SHROOM2: variants seen among roughly 807,000 people sequenced by gnomAD.
SHROOM2 encodes the protein protein Shroom2.
Under a neutral mutation model 75.9 loss-of-function variants are expected in SHROOM2, and 33 were observed. That is an observed-to-expected ratio of 0.43 (90% CI 0.33 to 0.58). SHROOM2 has a LOEUF of 0.58. SHROOM2 is among the 20% of genes least tolerant of loss of function. The pLI is 0.04. For synonymous variants in SHROOM2, 655 were observed against 663.6 expected, an observed-to-expected ratio of 0.99 and a Z score of 0.20; for missense variants, 1,434 against 1,461.2, an observed-to-expected ratio of 0.98 and a Z score of 0.30.
intron 1 of SHROOM2, among the ~76,000 whole-genome samples, chrX:9,821,640 C>T (rs1052682128): frequency 4.5e-5 from 5 of 112,300 alleles, no homozygotes; most frequent in African/African-American, 9.7e-5. Context: ...ACCACATTTG[C>T]GAACTTTTAT....
intron 1 of SHROOM2, among the ~76,000 whole-genome samples, chrX:9,802,268 T>C (rs1322231376): frequency 9.0e-6 from 1 of 111,460 alleles, no homozygotes; most frequent in East Asian, 2.8e-4. Context: ...GTGTGGTTTT[T>C]AGGTCAGCAT....
chrX:9,867,366 G>T (rs377322980), intron 1 of SHROOM2, among the ~76,000 whole-genome samples: 3 of 111,437 alleles, frequency 2.7e-5, no homozygotes, highest in African/African-American at 6.5e-5. Flanking sequence ...GTCATGGGTC[G>T]GGGATGATTG....
chrX:9,871,396 G>A lies in SHROOM2; in HGVS notation c.166-2256G>A, dbSNP rs146593746. Among the ~76,000 whole-genome samples, 760 of 111,444 alleles carry A rather than the reference G, an allele frequency of 6.8e-3. 15 individuals carry two copies. The East Asian group carries it at 0.089, about 13-fold the overall frequency. ...TTTCCTCTGTGAAGAAACCTGGGGG[G>A]AGGGTTGCTCCAGATCCCCAGCCTC... is the stretch of plus-strand genomic sequence containing the variant. On this transcript the variant is annotated intron_variant, in intron 1 of 9. Coordinates refer to ENST00000380913, the MANE Select transcript of SHROOM2 (RefSeq NM_001649.4).
At chrX:9,909,263 G>A (rs982212778) in intron 5 of SHROOM2, among the ~76,000 whole-genome samples, 5 of 112,566 alleles carry the variant, frequency 4.4e-5, no homozygotes, top group Non-Finnish European at 7.5e-5. Context: ...AAATTAAGTA[G>A]TAGTGGATTA....
At chrX:9,848,510 C>CACAAAAA (rs1555927073) in intron 1 of SHROOM2, among the ~76,000 whole-genome samples, 953 of 21,957 alleles carry the variant, frequency 0.043, 118 homozygotes, top group African/African-American at 0.13. Flanking sequence ...GACTCCGTCT[C>CACAAAAA]AAAAAAAAAA....
At chrX:9,863,209 C>T (rs767234634) in intron 1 of SHROOM2, among the ~76,000 whole-genome samples, 2 of 111,767 alleles carry the variant, frequency 1.8e-5, no homozygotes, top group African/African-American at 6.5e-5. Context: ...ACTCCTGGGA[C>T]AGTCAGCTTG....
chrX:9,939,647 T>G (rs2084751463), intron 8 of SHROOM2, among the ~76,000 whole-genome samples: 1 of 112,588 alleles, frequency 8.9e-6, no homozygotes, highest in Non-Finnish European at 1.9e-5. Flanking sequence ...TTTATCTTAT[T>G]TATTTATTTT....
At chrX:9,937,094 G>A in intron 6 of SHROOM2, 40 bp from the exon 7 acceptor site, 2 of 1,136,667 alleles carry the variant, frequency 1.8e-6, no homozygotes, top group Non-Finnish European at 1.2e-6. Context: ...TCTGTGGCTG[G>A]AGCATGCTTT....
intron 1 of SHROOM2, among the ~76,000 whole-genome samples, chrX:9,831,929 TCAGG>T (rs1279764452): frequency 9.0e-6 from 1 of 110,685 alleles, no homozygotes; most frequent in African/African-American, 3.3e-5. Flanking sequence ...ACCATGAGGA[TCAGG>T]ATTTCAACAT....
chrX:9,794,712 C>A (rs1051464638), intron 1 of SHROOM2, among the ~76,000 whole-genome samples: 6 of 111,918 alleles, frequency 5.4e-5, no homozygotes, highest in African/African-American at 1.9e-4. Context: ...TCAGTAAATT[C>A]TTTTACTGCC....
intron 5 of SHROOM2, among the ~76,000 whole-genome samples, chrX:9,917,619 C>T (rs1212912255): frequency 9.0e-6 from 1 of 111,546 alleles, no homozygotes. Flanking sequence ...CTCCTGGGTT[C>T]AGCCAGTTCT....
At chrX:9,893,469 C>T (rs753038604) in intron 3 of SHROOM2, among the ~76,000 whole-genome samples, 79 of 111,515 alleles carry the variant, frequency 7.1e-4, no homozygotes, top group Middle Eastern at 4.6e-3. Context: ...CTTTGCAGGC[C>T]GCACATCTCT....
Position 9,928,518 on chromosome X carries a change from A to T in SHROOM2, c.2892-3657A>T, listed in dbSNP as rs773808128. Reference sequence around the variant, plus strand: ...TATCCTTAGAAGTATGGCAAAGAGAAATGCATACATATATGCAGAGACACA... The same window carrying T: ...TATCCTTAGAAGTATGGCAAAGAGATATGCATACATATATGCAGAGACACA... On this transcript the variant is annotated intron_variant, in intron 5 of 9. Coordinates refer to ENST00000380913, the MANE Select transcript of SHROOM2 (RefSeq NM_001649.4). 3.6e-5 allele frequency among the ~76,000 whole-genome samples: 4 copies of T among 112,334 alleles called. 1 individual carries two copies. Among genetic ancestry groups the T allele is most frequent in the African/African-American group, 1.3e-4 (4 of 30,970 alleles).
At chrX:9,803,423 G>A (rs1464750788) in intron 1 of SHROOM2, among the ~76,000 whole-genome samples, 1 of 111,383 alleles carries the variant, frequency 9.0e-6, no homozygotes, top group Non-Finnish European at 1.9e-5. Context: ...CTTGCTTTGC[G>A]GTAACCCTTG....
At chrX:9,808,772 G>A (rs972236565) in intron 1 of SHROOM2, among the ~76,000 whole-genome samples, 2 of 110,257 alleles carry the variant, frequency 1.8e-5, no homozygotes, top group Non-Finnish European at 3.8e-5. Flanking sequence ...TGAGGCAAGA[G>A]AATCGCTTGA....
intron 5 of SHROOM2, among the ~76,000 whole-genome samples, chrX:9,925,031 A>C (rs1233845939): frequency 1.8e-5 from 2 of 110,739 alleles, no homozygotes; most frequent in African/African-American, 6.6e-5. Flanking sequence ...AATGTTTCTA[A>C]TACATCTCAG....
chrX:9,843,269 A>G (rs999885686), intron 1 of SHROOM2, among the ~76,000 whole-genome samples: 1 of 107,546 alleles, frequency 9.3e-6, no homozygotes, highest in African/African-American at 3.4e-5. Context: ...ACCATGGTAT[A>G]TTTGTCCAAG....
intron 1 of SHROOM2, among the ~76,000 whole-genome samples, chrX:9,863,424 G>T (rs1159655784): frequency 9.1e-6 from 1 of 110,415 alleles, no homozygotes; most frequent in African/African-American, 3.3e-5. Context: ...CCACGTCCTC[G>T]TCCTCTCCTC....
At chrX:9,839,822 A>G (rs1324695267) in intron 1 of SHROOM2, among the ~76,000 whole-genome samples, 2 of 112,122 alleles carry the variant, frequency 1.8e-5, no homozygotes, top group Admixed American at 1.9e-4. Context: ...CACAGGGAGA[A>G]CAAAGAGAGT....
Sources: allele counts gnomAD v4.1 joint callset (sites outside exome capture counted in the v4.1 genomes callset), GRCh38; gene constraint gnomAD v4.1.1; transcripts MANE v1.5; gene names NCBI Gene and HGNC (gene_info 2026-07-23, HGNC 2026-07-21).